The following ZNF157 variants were observed in gnomAD, a reference collection of about 807,000 sequenced individuals.
ZNF157 encodes zinc finger protein 22.
ZNF157 carries 8 observed loss-of-function variants against 9.4 expected under a neutral mutation model. That is an observed-to-expected ratio of 0.85 (90% CI 0.50 to 1.53). ZNF157 has a LOEUF of 1.53. Ranked by LOEUF, ZNF157 falls within the 40% of genes most tolerant of loss-of-function variation. The pLI is 0.00. For synonymous variants in ZNF157, 120 were observed against 130.8 expected (o/e 0.92, Z 0.56); for missense variants, 316 against 385.2 (o/e 0.82, Z 1.50).
chrX:47,409,615 T>C (rs2055957571), intron 1 of ZNF157, among the ~76,000 whole-genome samples: 1 of 108,608 alleles, frequency 9.2e-6, no homozygotes, highest in Admixed American at 9.9e-5. Flanking sequence ...AGTGCTACGA[T>C]CATAGGCATG....
chrX:47,377,886 T>A (rs777101959), intron 1 of ZNF157, among the ~76,000 whole-genome samples: 93 of 110,606 alleles, frequency 8.4e-4, no homozygotes, highest in African/African-American at 1.6e-3. Flanking sequence ...TCTTTTCAGA[T>A]CTTTTGCCCA....
At chrX:47,406,228 C>A (rs1288519849) in intron 1 of ZNF157, among the ~76,000 whole-genome samples, 1 of 110,382 alleles carries the variant, frequency 9.1e-6, no homozygotes, top group African/African-American at 3.3e-5. Context: ...CCACATTTGG[C>A]TCCCTTTTTC....
intron 1 of ZNF157, among the ~76,000 whole-genome samples, chrX:47,377,057 C>T (rs1032957804): frequency 1.3e-4 from 14 of 111,062 alleles, no homozygotes; most frequent in Non-Finnish European, 2.5e-4. Flanking sequence ...TTTTGCAGAC[C>T]CTGGACCTAA....
rs747296308 is a variant in ZNF157 at position 47,412,785 on chromosome X, A to G, written c.712A>G (p.Arg238Gly). 2.5e-6 allele frequency: 3 copies of G among 1,212,216 alleles called. No individual in the cohort carries two copies. The South Asian group carries it at 5.3e-5, about 21-fold the overall frequency. The change falls in exon 4 of 4, where the codon AGA becomes GGA. Residue 238 changes from arginine to glycine, a missense_variant. Physicochemically the swap from Arg to Gly is moderately radical, Grantham distance 125. Transcript: ENST00000377073. ...GRKSQLILHT[R>G]THTGERPYEC... The stretch of plus-strand genomic sequence containing the variant: ...GAAGTCACAACTCATCCTACATACA[A>G]GAACACACACTGGAGAGAGACCCTA...
chrX:47,375,976 G>A (rs2055843845), intron 1 of ZNF157, among the ~76,000 whole-genome samples: 1 of 112,070 alleles, frequency 8.9e-6, no homozygotes, highest in South Asian at 3.7e-4. Context: ...ATTTACAGAT[G>A]TGAGCTATTA....
chrX:47,374,397 C>CTT (rs749372735), intron 1 of ZNF157, among the ~76,000 whole-genome samples: 79 of 85,437 alleles, frequency 9.2e-4, no homozygotes, highest in African/African-American at 3.3e-3. Flanking sequence ...AATAGACAAT[C>CTT]TTTTTTTTTT....
At chrX:47,374,824 T>G (rs2055839154) in intron 1 of ZNF157, among the ~76,000 whole-genome samples, 1 of 99,506 alleles carries the variant, frequency 1.0e-5, no homozygotes, top group Admixed American at 1.1e-4. Context: ...TTCTCCTGCC[T>G]CAGCCTCCCA....
chrX:47,387,113 A>G (rs1434162699), intron 1 of ZNF157, among the ~76,000 whole-genome samples: 2 of 104,104 alleles, frequency 1.9e-5, no homozygotes, highest in African/African-American at 7.1e-5. Flanking sequence ...GTGCACCACC[A>G]TGCCCTGCTA....
In ZNF157 at chrX:47,412,532, A is replaced by G. The variant is rs1252662914; in HGVS notation, c.459A>G (p.Lys153=). Residue 153 remains lysine, a synonymous_variant, in exon 4 of 4, where the codon AAA becomes AAG. Transcript: ENST00000377073. ...FHEKTGFVRR[K]RTPRGDKNFE... is the part of the protein sequence containing the mutation. ...AGAAAACAGGCTTTGTTAGACGTAA[A>G]AGAACACCCAGAGGAGATAAAAACT... 8.3e-7 allele frequency: 1 copy of G among 1,210,690 alleles called. No homozygotes were observed. The highest frequency in any genetic ancestry group is 1.1e-6 in the Non-Finnish European group (1 of 895,482).
At chrX:47,402,894 A>G (rs1348570057) in intron 1 of ZNF157, among the ~76,000 whole-genome samples, 1 of 109,899 alleles carries the variant, frequency 9.1e-6, no homozygotes, top group Admixed American at 9.9e-5. Context: ...TTACATGCGT[A>G]TATTGCAGAG....
At chrX:47,376,480 G>C (rs1449010155) in intron 1 of ZNF157, among the ~76,000 whole-genome samples, 1 of 110,970 alleles carries the variant, frequency 9.0e-6, no homozygotes, top group Admixed American at 9.7e-5. Flanking sequence ...GCTGGGTGTG[G>C]TGGCAGGTAT....
At chrX:47,371,797 C>T (rs1277057958) in intron 1 of ZNF157, among the ~76,000 whole-genome samples, 5 of 110,988 alleles carry the variant, frequency 4.5e-5, no homozygotes, top group African/African-American at 1.3e-4. Flanking sequence ...TTAGTAGAGA[C>T]GGGGTTTCAC....
chrX:47,373,115 C>G (rs760067555), intron 1 of ZNF157, among the ~76,000 whole-genome samples: 5 of 110,147 alleles, frequency 4.5e-5, no homozygotes, highest in Non-Finnish European at 9.5e-5. Flanking sequence ...AGGAGAATCA[C>G]TTGAACCTGT....
intron 1 of ZNF157, among the ~76,000 whole-genome samples, chrX:47,405,127 T>A (rs939077895): frequency 9.0e-6 from 1 of 111,008 alleles, no homozygotes; most frequent in South Asian, 3.8e-4. Context: ...GTGGCTCACA[T>A]CTGTAATCCC....
chrX:47,371,244 C>T (rs1038594980), intron 1 of ZNF157, among the ~76,000 whole-genome samples: 25 of 109,266 alleles, frequency 2.3e-4, no homozygotes, highest in Admixed American at 3.9e-4. Context: ...AGGTTGAGAC[C>T]GGAAAATCGC....
At chrX:47,400,760 A>C (rs1355074630) in intron 1 of ZNF157, among the ~76,000 whole-genome samples, 1 of 111,596 alleles carries the variant, frequency 9.0e-6, no homozygotes, top group African/African-American at 3.3e-5. Context: ...GGCTCAGGCG[A>C]TCCTCCCGCC....
chrX:47,370,752 G>T lies in ZNF157; in HGVS notation c.72+12G>T, dbSNP rs748382450. ...GCAGATCTTTTGAGGTAAGGAGGAG[G>T]ATCCTATTTTTTTCTATATGTTCTT... On this transcript the variant is annotated intron_variant, in intron 1 of 3. Coordinates refer to ENST00000377073, the MANE Select transcript of ZNF157 (RefSeq NM_003446.4). 8.6e-7 allele frequency: 1 copy of T among 1,167,575 alleles called. No individual in the cohort carries two copies. The highest frequency in any genetic ancestry group is 2.0e-5 in the South Asian group (1 of 49,280).
intron 1 of ZNF157, among the ~76,000 whole-genome samples, chrX:47,382,595 C>CTT (rs772429046): frequency 1.0e-5 from 1 of 96,785 alleles, no homozygotes; most frequent in African/African-American, 3.7e-5. Flanking sequence ...GGCATGTAGC[C>CTT]TTTTTTTTTT....
intron 1 of ZNF157, among the ~76,000 whole-genome samples, chrX:47,373,147 C>G (rs754837359): frequency 9.1e-6 from 1 of 109,765 alleles, no homozygotes; most frequent in Admixed American, 9.9e-5. Flanking sequence ...TGCAGTGAGC[C>G]GAGGTCGCAC....
Sources: allele counts gnomAD v4.1 joint callset (sites outside exome capture counted in the v4.1 genomes callset), GRCh38; gene constraint gnomAD v4.1.1; transcripts MANE v1.5; gene names NCBI Gene and HGNC (gene_info 2026-07-23, HGNC 2026-07-21).